LUZP1: variants seen among roughly 807,000 people sequenced by gnomAD.
LUZP1 encodes the protein leucine zipper protein 1, also known as filamin mechanobinding actin cross-linking protein.
A neutral mutation model predicts 71.3 loss-of-function variants in LUZP1; 25 were observed. That is an observed-to-expected ratio of 0.35 (90% CI 0.26 to 0.49). LUZP1 has a LOEUF of 0.49. Among genes scored for constraint, LUZP1 ranks in the 20% least tolerant of loss-of-function variants. LUZP1 has a pLI of 0.99. For synonymous variants in LUZP1, 481 were observed against 506.4 expected (o/e 0.95, Z 0.67); for missense variants, 1,142 against 1,300.8 (o/e 0.88, Z 1.88).
intron 3 of LUZP1, among the ~76,000 whole-genome samples, chr1:23,095,009 G>C (rs1643885113): frequency 6.6e-6 from 1 of 152,090 alleles, no homozygotes; most frequent in African/African-American, 2.4e-5. Flanking sequence ...ATTCAGGTGT[G>C]AGTTGGCCCG....
intron 2 of LUZP1, among the ~76,000 whole-genome samples, chr1:23,143,066 T>C (rs1644317731): frequency 6.6e-6 from 1 of 152,000 alleles, no homozygotes; most frequent in African/African-American, 2.4e-5. Flanking sequence ...TGGAGTGCAG[T>C]GGCATGATCT....
chr1:23,089,087 G>C, intron 4 of LUZP1, 34 bp from the exon 4 acceptor site: 1 of 1,607,346 alleles, frequency 6.2e-7, no homozygotes, highest in Non-Finnish European at 8.5e-7. Context: ...GAGCTGTGGA[G>C]GTCAGTAAAG....
intron 2 of LUZP1, among the ~76,000 whole-genome samples, chr1:23,143,472 A>G (rs1644320663): frequency 6.6e-6 from 1 of 152,206 alleles, no homozygotes; most frequent in South Asian, 2.1e-4. Context: ...CAGATTGCTG[A>G]AGCGGCACTG....
At chr1:23,093,000 A>C (rs1569860262) in exon 4 of LUZP1, 1 of 1,613,860 alleles carries the variant, frequency 6.2e-7, no homozygotes, top group African/African-American at 1.3e-5. Flanking sequence ...GGGAGAAGAA[A>C]CCTGCCTGTT....
intron 1 of LUZP1, among the ~76,000 whole-genome samples, chr1:23,169,546 T>C (rs1022588087): frequency 1.1e-4 from 16 of 152,214 alleles, no homozygotes; most frequent in African/African-American, 3.9e-4. Context: ...TATTAATTCT[T>C]TGTGTGATGC....
chr1:23,091,037 C>T, intron 4 of LUZP1, 153 bp downstream of exon 3: 1 of 838,854 alleles, frequency 1.2e-6, no homozygotes, highest in Admixed American at 2.0e-5. Context: ...AAAGGTCAAA[C>T]CCCCCTGATT....
At chr1:23,084,724 A>G (rs1030645658) in exon 5 of LUZP1, 1 of 64,684 alleles carries the variant, frequency 1.5e-5, no homozygotes, top group Admixed American at 1.1e-4. Flanking sequence ...GAAAACGGAG[A>G]AGGCTTTTCC....
At chr1:23,131,316 C>T (rs1644213530) in intron 2 of LUZP1, among the ~76,000 whole-genome samples, 1 of 145,244 alleles carries the variant, frequency 6.9e-6, no homozygotes, top group Non-Finnish European at 1.5e-5. Context: ...CCTCCTAATT[C>T]AAGTCACAGT....
intron 1 of LUZP1, among the ~76,000 whole-genome samples, chr1:23,173,350 C>CTTTTT (rs869169060): frequency 8.7e-5 from 7 of 80,358 alleles, no homozygotes; most frequent in East Asian, 4.0e-4. Context: ...TTTGTTTTTT[C>CTTTTT]TTTTTTTTTT....
chr1:23,158,758 G>A (rs527554601), intron 2 of LUZP1, among the ~76,000 whole-genome samples: 8 of 150,190 alleles, frequency 5.3e-5, no homozygotes, highest in African/African-American at 1.7e-4. Flanking sequence ...CCTGAGGCCA[G>A]GAGTTCAAGA....
intron 2 of LUZP1, among the ~76,000 whole-genome samples, chr1:23,117,362 A>G (rs1020383768): frequency 2.0e-5 from 3 of 150,848 alleles, no homozygotes; most frequent in Middle Eastern, 3.2e-3. Flanking sequence ...ATATACATTA[A>G]ATGCCTAAGC....
At chr1:23,176,703 G>A (rs989239297) in intron 1 of LUZP1, among the ~76,000 whole-genome samples, 3 of 152,110 alleles carry the variant, frequency 2.0e-5, no homozygotes, top group Admixed American at 1.3e-4. Context: ...CCTATAGAAA[G>A]AGTCTCAAGA....
chr1:23,156,541 G>A (rs961552103), intron 2 of LUZP1, among the ~76,000 whole-genome samples: 3 of 151,976 alleles, frequency 2.0e-5, no homozygotes, highest in South Asian at 2.1e-4. Context: ...ATTTATTAAC[G>A]TTATAAATAA....
At chr1:23,088,866 A>G (rs373655445) in exon 5 of LUZP1, 26 of 1,607,956 alleles carry the variant, frequency 1.6e-5, no homozygotes, top group Non-Finnish European at 2.1e-5. Flanking sequence ...AAGCAGGAGC[A>G]GAGGGCAGAC....
intron 3 of LUZP1, among the ~76,000 whole-genome samples, chr1:23,104,441 C>T (rs1643963243): frequency 6.6e-6 from 1 of 152,124 alleles, no homozygotes; most frequent in African/African-American, 2.4e-5. Context: ...GCCTCGGCCT[C>T]CCAAAGTGCT....
At chr1:23,151,173 T>G (rs1187368200) in intron 2 of LUZP1, among the ~76,000 whole-genome samples, 1 of 152,114 alleles carries the variant, frequency 6.6e-6, no homozygotes, top group East Asian at 1.9e-4. Context: ...ACCTCCCAAG[T>G]AGCTGGGATT....
At chr1:23,172,571 G>C (rs547123779) in intron 1 of LUZP1, among the ~76,000 whole-genome samples, 1 of 151,018 alleles carries the variant, frequency 6.6e-6, no homozygotes, top group Non-Finnish European at 1.5e-5. Flanking sequence ...CTGGAGTGCA[G>C]TGGCACGATC....
intron 3 of LUZP1, among the ~76,000 whole-genome samples, chr1:23,104,923 T>C (rs1048413659): frequency 1.3e-5 from 2 of 152,190 alleles, no homozygotes; most frequent in Admixed American, 1.3e-4. Context: ...AGAGGGGCTA[T>C]GCCCTACTTT....
At chr1:23,117,522 G>C (rs1296723982) in intron 2 of LUZP1, among the ~76,000 whole-genome samples, 6 of 111,312 alleles carry the variant, frequency 5.4e-5, no homozygotes, top group Admixed American at 8.9e-5. Flanking sequence ...GGGGGGGCGG[G>C]GGGGGGGAAC....
Sources: allele counts gnomAD v4.1 joint callset (sites outside exome capture counted in the v4.1 genomes callset), GRCh38; gene constraint gnomAD v4.1.1; transcripts MANE v1.5; gene names NCBI Gene and HGNC (gene_info 2026-07-23, HGNC 2026-07-21).